The following TRHDE variants were observed in gnomAD, a reference collection of about 807,000 sequenced individuals.
TRHDE encodes the protein thyrotropin-releasing hormone-degrading ectoenzyme.
TRHDE carries 72 observed loss-of-function variants against 125.7 expected under a neutral mutation model. That is an observed-to-expected ratio of 0.57 (90% CI 0.47 to 0.70). TRHDE has a LOEUF of 0.70. Ranked by LOEUF, TRHDE falls within the 30% of genes least tolerant of loss-of-function variation. The probability of loss-of-function intolerance (pLI) is 0.00; values close to 1 mark genes in which losing one functional copy is unlikely to be tolerated. For missense variants in TRHDE, 1,110 were observed against 1,327.1 expected (o/e 0.84, Z 2.54); for synonymous variants, 509 against 509.1 (o/e 1.00, Z 0.00).
Position 72,272,841 on chromosome 12 carries a change from C to A in TRHDE, c.198C>A (p.Asp66Glu), listed in dbSNP as rs569320223. 1.9e-6 allele frequency: 3 copies of A among 1,584,136 alleles called. No homozygotes were observed. The highest frequency in any genetic ancestry group is 1.8e-4 in the Middle Eastern group (1 of 5,480). The stretch of plus-strand genomic sequence containing the variant: ...GGGGGCTCTCCGACCCGTGGGCAGA[C>A]TCAGTGGGAGTGCGACCCCGCACCA... ...GSRGLSDPWA[D>E]SVGVRPRTTE... Residue 66 changes from aspartate to glutamate, a missense_variant, in exon 1 of 19, where the codon GAC (aspartate) becomes GAA (glutamate). This residue lies in a region of TRHDE where 248 missense variants were observed against 240.8 expected (regional missense o/e 1.03). Transcript: ENST00000261180. The surrounding 1 kb of genome is among the most constrained non-coding windows in gnomAD (Gnocchi z 6.7).
At chr12:72,514,175 G>T (rs182275679) in intron 6 of TRHDE, among the ~76,000 whole-genome samples, 1 of 152,010 alleles carries the variant, frequency 6.6e-6, no homozygotes. Flanking sequence ...CATCTCAAAA[G>T]ATTTCCACAG....
chr12:72,383,144 G>C (rs192567338), intron 3 of TRHDE, among the ~76,000 whole-genome samples: 2 of 152,236 alleles, frequency 1.3e-5, no homozygotes, highest in Non-Finnish European at 2.9e-5. Flanking sequence ...GTAGTAAGAG[G>C]TGTAGCACCT....
chr12:72,642,816 G>A (rs996712730), intron 15 of TRHDE, among the ~76,000 whole-genome samples: 3 of 152,120 alleles, frequency 2.0e-5, no homozygotes, highest in Admixed American at 2.0e-4. Flanking sequence ...CATTTGTACT[G>A]TTCATAACTG....
At chr12:72,495,122 C>CT (rs2097866953) in intron 5 of TRHDE, among the ~76,000 whole-genome samples, 1 of 99,548 alleles carries the variant, frequency 1.0e-5, no homozygotes, top group South Asian at 3.4e-4. Flanking sequence ...GTAGTTATCT[C>CT]TGAGTATTTC....
chr12:72,619,821 A>G (rs1462088267), intron 13 of TRHDE, among the ~76,000 whole-genome samples: 1 of 152,098 alleles, frequency 6.6e-6, no homozygotes, highest in Non-Finnish European at 1.5e-5. Context: ...CTTATTTTTT[A>G]TACTGTACTA....
intron 3 of TRHDE, among the ~76,000 whole-genome samples, chr12:72,451,076 C>A (rs1489588676): frequency 1.3e-5 from 2 of 152,020 alleles, no homozygotes; most frequent in Non-Finnish European, 2.9e-5. Context: ...TTCTCCCGTT[C>A]TTTACTTTGT....
chr12:72,165,081 A>G (rs1876715596), intron 2 of TRHDE, among the ~76,000 whole-genome samples: 1 of 152,212 alleles, frequency 6.6e-6, no homozygotes, highest in East Asian at 1.9e-4. Flanking sequence ...CTGTGAACAA[A>G]CACCTGAAAT....
chr12:72,414,378 C>T (rs889267709), intron 3 of TRHDE, among the ~76,000 whole-genome samples: 1 of 151,824 alleles, frequency 6.6e-6, no homozygotes, highest in Non-Finnish European at 1.5e-5. Flanking sequence ...TAATACTAAC[C>T]CAATATTAGC....
chr12:72,556,540 C>G (rs78096578), intron 7 of TRHDE, among the ~76,000 whole-genome samples: 1 of 152,162 alleles, frequency 6.6e-6, no homozygotes, highest in Non-Finnish European at 1.5e-5. Context: ...AGTCCTAGGA[C>G]GAAGCATCCC....
intron 3 of TRHDE, among the ~76,000 whole-genome samples, chr12:72,430,458 T>C (rs980292581): frequency 6.7e-6 from 1 of 149,212 alleles, no homozygotes; most frequent in East Asian, 2.0e-4. Flanking sequence ...TATATATGTG[T>C]ATATATATAC....
At chr12:72,241,465 G>A (rs1341889690) in intron 2 of TRHDE, among the ~76,000 whole-genome samples, 1 of 152,058 alleles carries the variant, frequency 6.6e-6, no homozygotes, top group South Asian at 2.1e-4. Context: ...TATCCAAGTT[G>A]TGTGCATTAA....
rs1158626995 is a variant in TRHDE at position 72,668,898 on chromosome 12, T to C, written c.*5703T>C. ...ACATAATGTTTATCCGTACAGACCA[T>C]TCTCTATAGCAGATTTGAATAGGTA... On this transcript the variant is annotated 3_prime_UTR_variant, in exon 19 of 19. Coordinates refer to ENST00000261180, the MANE Select transcript of TRHDE (RefSeq NM_013381.3). The C allele has an allele frequency of 6.6e-6, 1 of 151,850 alleles. No individual in the cohort carries two copies. The highest frequency in any genetic ancestry group is 2.4e-5 in the African/African-American group (1 of 41,412). The allele number at this position is 151,850 out of a possible 1,614,324, so 9.4% of individuals were successfully genotyped here.
At chr12:72,567,437 G>T (rs1274057539) in intron 9 of TRHDE, among the ~76,000 whole-genome samples, 4 of 151,682 alleles carry the variant, frequency 2.6e-5, no homozygotes, top group African/African-American at 9.7e-5. Flanking sequence ...CTTCCATTTG[G>T]ACTCTTTACT....
chr12:72,285,582 G>T (rs1173351336), intron 1 of TRHDE, among the ~76,000 whole-genome samples: 6 of 146,462 alleles, frequency 4.1e-5, no homozygotes, highest in African/African-American at 1.3e-4. Context: ...GTGCAGTGGC[G>T]CGATCTTGGT....
chr12:72,614,670 C>T (rs1407155353), intron 12 of TRHDE, among the ~76,000 whole-genome samples: 2 of 151,872 alleles, frequency 1.3e-5, no homozygotes, highest in African/African-American at 4.8e-5. Context: ...TATGATGCTC[C>T]AAAGAATCTG....
Position 72,151,169 on chromosome 12 carries a change from A to T in TRHDE, n.279+45417A>T, listed in dbSNP as rs1453448892. On this transcript the variant is annotated intron_variant and non_coding_transcript_variant, in intron 2 of 4. Coordinates refer to the TRHDE transcript ENST00000548156. Reference sequence around the variant, plus strand: ...GGCCAGTGATGGTGAGCATTTTTTCATGTGTCTGTTGGGTGCATAAATGTC... The same window carrying T: ...GGCCAGTGATGGTGAGCATTTTTTCTTGTGTCTGTTGGGTGCATAAATGTC... Among the ~76,000 whole-genome samples, 5 of 152,150 alleles carry T rather than the reference A, an allele frequency of 3.3e-5. No homozygotes were observed. The East Asian group carries it at 9.7e-4, about 29-fold the overall frequency.
chr12:72,205,724 G>GT (rs1484382330), intron 2 of TRHDE, among the ~76,000 whole-genome samples: 1 of 152,080 alleles, frequency 6.6e-6, no homozygotes, highest in Non-Finnish European at 1.5e-5. Context: ...GTATTCCATT[G>GT]TATGTCCATA....
chr12:72,445,890 T>A lies in TRHDE; in HGVS notation c.1316-23868T>A, dbSNP rs989061645. On this transcript the variant is annotated intron_variant, in intron 3 of 18. Coordinates refer to ENST00000261180, the MANE Select transcript of TRHDE (RefSeq NM_013381.3). The stretch of plus-strand genomic sequence containing the variant: ...CGGCTTTCTTGAAATATTAGAATTA[T>A]CTGGCAACACTGGGCCTGCATTCCC... Among the ~76,000 whole-genome samples the A allele has an allele frequency of 3.9e-5, 6 of 151,962 alleles. No homozygotes were observed. In the South Asian group the frequency reaches 1.0e-3, roughly 26 times the overall value.
intron 12 of TRHDE, among the ~76,000 whole-genome samples, chr12:72,581,585 AATATCATAACAT>A (rs2136036339): frequency 6.6e-6 from 1 of 152,312 alleles, no homozygotes; most frequent in African/African-American, 2.4e-5. Context: ...TTGTGTTTTT[AATATCATAACAT>A]ACTTTTTAAG....
Sources: gnomAD v4.1 joint callset for allele counts (sites outside exome capture counted in the v4.1 genomes callset) on GRCh38, gnomAD v4.1.1 for gene constraint, gnomAD v4.1.1 regional missense constraint, Gnocchi (gnomAD v3.1) non-coding constraint, MANE v1.5 for transcripts, NCBI Gene and HGNC (gene_info 2026-07-23, HGNC 2026-07-21) for gene names.